Variants in NDUFB5 observed in about 807,000 individuals in gnomAD.
The protein encoded by NDUFB5 is NADH:ubiquinone oxidoreductase subunit B5.
In NDUFB5, 19 loss-of-function variants were observed where a neutral mutation model predicts 19.4. That is an observed-to-expected ratio of 0.98 (90% CI 0.68 to 1.43). NDUFB5 has a LOEUF of 1.43. Ranked by LOEUF, NDUFB5 falls within the 40% of genes most tolerant of loss-of-function variation. The pLI is 0.00. For synonymous variants in NDUFB5, 80 were observed against 82.6 expected, an observed-to-expected ratio of 0.97 and a Z score of 0.17; for missense variants, 233 against 236.5, an observed-to-expected ratio of 0.99 and a Z score of 0.10.
intron 1 of NDUFB5, 175 bp from the exon 2 acceptor site, chr3:179,614,796 A>C (rs925100519): frequency 1.3e-5 from 5 of 387,924 alleles, no homozygotes; most frequent in South Asian, 7.0e-5. Flanking sequence ...TAATGTGCCT[A>C]CCTCATAACA....
At chr3:179,613,993 C>G (rs1719313321) in intron 1 of NDUFB5, among the ~76,000 whole-genome samples, 1 of 152,132 alleles carries the variant, frequency 6.6e-6, no homozygotes, top group African/African-American at 2.4e-5. Context: ...AGATTCAGAT[C>G]TTTCTGACAT....
At chr3:179,622,526 C>T (rs925765661) in intron 5 of NDUFB5, among the ~76,000 whole-genome samples, 2 of 152,156 alleles carry the variant, frequency 1.3e-5, no homozygotes, top group African/African-American at 4.8e-5. Context: ...GTATATGTAG[C>T]ATCTCCTCCC....
chr3:179,607,703 A>G (rs1719140210), intron 1 of NDUFB5: 10 of 694,994 alleles, frequency 1.4e-5, no homozygotes, highest in Non-Finnish European at 2.6e-5. Context: ...TTCATATGGT[A>G]AAACTAAAAC....
intron 4 of NDUFB5, chr3:179,617,424 C>T (rs1236876826): frequency 6.5e-6 from 1 of 154,288 alleles, no homozygotes; most frequent in Non-Finnish European, 1.4e-5. Context: ...ATGTGTGAGC[C>T]ACTGTGACCA....
rs1422766692 is a variant in NDUFB5, at chr3:179,604,857, G to C, written c.42G>C (p.Ala14=). The C allele has an allele frequency of 1.2e-6, 2 of 1,603,580 alleles. No individual in the cohort carries two copies. Among genetic ancestry groups the C allele is most frequent in the Non-Finnish European group, 1.7e-6 (2 of 1,177,390 alleles). ...MSLLRRVSVT[A]VAALSGRPLG... is the part of the protein sequence containing the mutation. ...TGTTGCGGCGGGTTTCGGTTACTGCGGTGGCAGCTCTGTCTGGCCGGCCCC... is the reference window on the plus strand; with the variant it reads ...TGTTGCGGCGGGTTTCGGTTACTGCCGTGGCAGCTCTGTCTGGCCGGCCCC... The change falls in exon 1 of 6, where the codon GCG becomes GCC. Residue 14 remains alanine (A), a synonymous_variant. Coordinates refer to ENST00000259037, the MANE Select transcript of NDUFB5 (RefSeq NM_002492.4).
chr3:179,607,409 G>A (rs962626278), intron 1 of NDUFB5, among the ~76,000 whole-genome samples: 1 of 152,154 alleles, frequency 6.6e-6, no homozygotes, highest in Non-Finnish European at 1.5e-5. Context: ...AGCCATGTCT[G>A]TGATCATCAC....
intron 3 of NDUFB5, among the ~76,000 whole-genome samples, 157 bp downstream of exon 3, chr3:179,616,206 A>G (rs1416499930): frequency 6.6e-6 from 1 of 152,220 alleles, no homozygotes; most frequent in African/African-American, 2.4e-5. Flanking sequence ...ACCAAATCTC[A>G]ATCTGAACTA....
rs61610407 is a variant in NDUFB5 at position 179,616,402 on chromosome 3, C to T, written c.280+353C>T. Reference sequence around the variant, plus strand: ...CTAAAAATACAAAAAACTAGCTGGGCGTGGTGGCAGGCGCCTGTAATCCCA... The same window carrying T: ...CTAAAAATACAAAAAACTAGCTGGGTGTGGTGGCAGGCGCCTGTAATCCCA... On this transcript the variant is annotated intron_variant, in intron 3 of 5. Coordinates refer to ENST00000259037, the MANE Select transcript of NDUFB5 (RefSeq NM_002492.4). 4.0e-4 allele frequency among the ~76,000 whole-genome samples: 61 copies of T among 152,074 alleles called. No homozygotes were observed. The East Asian group carries it at 0.011, about 28-fold the overall frequency.
chr3:179,609,666 C>G (rs866249478), intron 1 of NDUFB5, among the ~76,000 whole-genome samples: 1 of 152,082 alleles, frequency 6.6e-6, no homozygotes, highest in African/African-American at 2.4e-5. Context: ...TTTGAGGAAC[C>G]CTCATGCTAT....
intron 5 of NDUFB5, among the ~76,000 whole-genome samples, chr3:179,619,955 T>C (rs1472395281): frequency 1.3e-5 from 2 of 152,344 alleles, no homozygotes; most frequent in East Asian, 1.9e-4. Flanking sequence ...GCCAGTGATA[T>C]GAATATTTTT....
At chr3:179,605,366 C>T (rs143856124) in intron 1 of NDUFB5, among the ~76,000 whole-genome samples, 422 of 152,286 alleles carry the variant, frequency 2.8e-3, no homozygotes, top group Non-Finnish European at 4.4e-3. Flanking sequence ...GGTAAAGAGG[C>T]TCAGGGCCAA....
intron 1 of NDUFB5, chr3:179,607,797 CT>C: frequency 1.4e-6 from 1 of 702,754 alleles, no homozygotes; most frequent in South Asian, 1.5e-5. Flanking sequence ...ATGATTTTGA[CT>C]ACTCTATTTC....
chr3:179,617,356 T>A (rs1292258627), intron 4 of NDUFB5: 1 of 184,700 alleles, frequency 5.4e-6, no homozygotes, highest in African/African-American at 2.4e-5. Flanking sequence ...CAGGCTTTTC[T>A]GGAACTCCTG....
intron 2 of NDUFB5, 58 bp from the exon 3 acceptor site, chr3:179,615,925 T>G: frequency 7.9e-7 from 1 of 1,270,970 alleles, no homozygotes; most frequent in Non-Finnish European, 1.1e-6. Context: ...ATGAGGATGA[T>G]TTGTGTGTGG....
chr3:179,608,137 C>T (rs1719151363), intron 1 of NDUFB5, among the ~76,000 whole-genome samples: 1 of 151,962 alleles, frequency 6.6e-6, no homozygotes, highest in African/African-American at 2.4e-5. Flanking sequence ...TATTTCTTGC[C>T]ATCCAATAAT....
chr3:179,615,834 A>G, intron 2 of NDUFB5, 149 bp from the exon 3 acceptor site: 1 of 671,382 alleles, frequency 1.5e-6, no homozygotes, highest in South Asian at 1.7e-5. Context: ...ACCAAAAAGT[A>G]AAATCACAGA....
chr3:179,609,215 T>TG, intron 1 of NDUFB5, among the ~76,000 whole-genome samples: 1 of 152,280 alleles, frequency 6.6e-6, no homozygotes, highest in South Asian at 2.1e-4. Context: ...TCAATTCTTA[T>TG]GGGTATATCT....
rs1019276330 is a variant in NDUFB5, at chr3:179,627,644, C to T, written c.*3604C>T. ...CTAAATAATAAATATTCTCCTGAAC[C>T]CCATCGGTCTCTCTGATTCCTTAAA... is the stretch of plus-strand genomic sequence containing the variant. On this transcript the variant is annotated 3_prime_UTR_variant, in exon 6 of 6. Coordinates refer to ENST00000259037, the MANE Select transcript of NDUFB5 (RefSeq NM_002492.4). 2.0e-5 allele frequency: 3 copies of T among 152,056 alleles called. No individual in the cohort carries two copies. The highest frequency in any genetic ancestry group is 7.2e-5 in the African/African-American group (3 of 41,382). The allele number at this position is 152,056 out of a possible 1,614,324, so 9.4% of individuals were successfully genotyped here.
chr3:179,612,323 A>G (rs548619116), intron 1 of NDUFB5, among the ~76,000 whole-genome samples: 25 of 135,020 alleles, frequency 1.9e-4, no homozygotes, highest in African/African-American at 5.3e-4. Context: ...TTGTCTCTGG[A>G]AAAAAAAAAA....
Sources: gnomAD v4.1 joint callset for allele counts (sites outside exome capture counted in the v4.1 genomes callset) on GRCh38, gnomAD v4.1.1 for gene constraint, MANE v1.5 for transcripts, NCBI Gene and HGNC (gene_info 2026-07-23, HGNC 2026-07-21) for gene names.